The following SERTAD2 variants were observed in gnomAD, a reference collection of about 807,000 sequenced individuals.
SERTAD2 encodes the protein SERTA domain containing 2, also known as SERTA domain-containing protein 2.
In SERTAD2, 2 loss-of-function variants were observed where a neutral mutation model predicts 15.4. That is an observed-to-expected ratio of 0.13 (90% CI 0.05 to 0.41). The LOEUF (loss-of-function observed/expected upper bound fraction) is 0.41, where lower values mean the gene tolerates loss of function less well. Ranked by LOEUF, SERTAD2 falls within the 10% of genes least tolerant of loss-of-function variation. SERTAD2 has a pLI of 0.99. For synonymous variants in SERTAD2, 180 were observed against 178.0 expected, an observed-to-expected ratio of 1.01 and a Z score of -0.09; for missense variants, 333 against 409.7, an observed-to-expected ratio of 0.81 and a Z score of 1.62.
intron 1 of SERTAD2, among the ~76,000 whole-genome samples, chr2:64,652,602 C>T (rs1261667166): frequency 6.6e-6 from 1 of 152,188 alleles, no homozygotes; most frequent in South Asian, 2.1e-4. Context: ...ACCCTAAGCC[C>T]AACTGAGGCT....
chr2:64,649,369 T>G (rs62137280), intron 1 of SERTAD2, among the ~76,000 whole-genome samples: 9 of 152,200 alleles, frequency 5.9e-5, no homozygotes, highest in Admixed American at 5.2e-4. Context: ...TCATTTAGTG[T>G]TTTTGACCAT....
intron 1 of SERTAD2, among the ~76,000 whole-genome samples, chr2:64,643,000 T>C (rs377265353): frequency 3.9e-5 from 6 of 152,342 alleles, no homozygotes; most frequent in African/African-American, 1.4e-4. Context: ...CACAGCTTAG[T>C]TCTAAATTCT....
At chr2:64,640,418 G>A (rs1375786797) in intron 1 of SERTAD2, among the ~76,000 whole-genome samples, 1 of 152,192 alleles carries the variant, frequency 6.6e-6, no homozygotes, top group Non-Finnish European at 1.5e-5. Context: ...GGCCTTTCTG[G>A]GCCTGGCTCA....
At chr2:64,647,246 G>A (rs958016063) in intron 1 of SERTAD2, among the ~76,000 whole-genome samples, 4 of 152,110 alleles carry the variant, frequency 2.6e-5, no homozygotes, top group African/African-American at 9.7e-5. Flanking sequence ...GTTATAATGA[G>A]TCTCCACATT....
chr2:64,635,799 G>A lies in SERTAD2; in HGVS notation c.*128C>T, dbSNP rs937800278. ...CTCTGCTCAAAGCAAAAACTAGTGT[G>A]ATCCTGTTGTAAAATTTTCTTTTTC... On this transcript the variant is annotated 3_prime_UTR_variant, in exon 2 of 2. Coordinates refer to ENST00000313349, the MANE Select transcript of SERTAD2 (RefSeq NM_014755.3). The A allele has an allele frequency of 1.4e-6, 1 of 712,296 alleles. No individual in the cohort carries two copies. Among genetic ancestry groups the A allele is most frequent in the Non-Finnish European group, 2.4e-6 (1 of 422,260 alleles). 44.1% of individuals were successfully genotyped at this position (712,296 alleles called of 1,614,324 possible). A position where few individuals can be genotyped will look rare whatever the true frequency, so the allele number is the denominator to read the frequency against.
At chr2:64,640,644 G>T in intron 1 of SERTAD2, among the ~76,000 whole-genome samples, 1 of 152,050 alleles carries the variant, frequency 6.6e-6, no homozygotes, top group East Asian at 1.9e-4. Flanking sequence ...TGGTTCCTGC[G>T]GAGGGGGGGC....
intron 1 of SERTAD2, among the ~76,000 whole-genome samples, chr2:64,640,762 A>T (rs1200507796): frequency 2.0e-5 from 3 of 152,124 alleles, no homozygotes; most frequent in Non-Finnish European, 4.4e-5. Flanking sequence ...CCAAAGCCTA[A>T]AAAACCCATG....
chr2:64,632,596 AC>A lies in SERTAD2; in HGVS notation c.*3330del, dbSNP rs971742072. ...ACTAAAAAAACTTTAAAAAATATCA[AC>A]CCTTTGATGCTTTTCTTAAAAATTT... On this transcript the variant is annotated 3_prime_UTR_variant, in exon 2 of 2. Transcript: ENST00000313349. The A allele has an allele frequency of 6.6e-6, 1 of 152,550 alleles. No homozygotes were observed. Among genetic ancestry groups the A allele is most frequent in the African/African-American group, 2.4e-5 (1 of 41,412 alleles). The allele number at this position is 152,550 out of a possible 1,614,324, so 9.4% of individuals were successfully genotyped here. A position where few individuals can be genotyped will look rare whatever the true frequency, so the allele number is the denominator to read the frequency against.
At chr2:64,643,401 G>T (rs1265468601) in intron 1 of SERTAD2, among the ~76,000 whole-genome samples, 1 of 152,214 alleles carries the variant, frequency 6.6e-6, no homozygotes, top group Non-Finnish European at 1.5e-5. Flanking sequence ...ATGCTCTGCC[G>T]CTCACCTGGG....
At position 64,636,302 on chromosome 2, in the gene SERTAD2, C is replaced by T. The variant is rs753265798; in HGVS notation, c.570G>A (p.Thr190=). ...TCCCTTTCACACTGTCAGTCGCAGC[C>T]GTGGCCGCCTCTGTGGAGGTAGATG... ...CPTSTSTEAA[T]AATDSVKGTS... The change falls in exon 2 of 2, where the codon ACG becomes ACA. Residue 190 remains threonine, a synonymous_variant. Coordinates refer to ENST00000313349, the MANE Select transcript of SERTAD2 (RefSeq NM_014755.3). The T allele has an allele frequency of 5.7e-5, 92 of 1,614,162 alleles. No homozygotes were observed. Among genetic ancestry groups the T allele is most frequent in the Admixed American group, 5.7e-4 (34 of 60,026 alleles).
intron 1 of SERTAD2, among the ~76,000 whole-genome samples, chr2:64,650,500 C>G (rs1573092747): frequency 6.6e-6 from 1 of 152,194 alleles, no homozygotes. Flanking sequence ...CTGCTCCACA[C>G]AATGAGTGAC....
rs998466740 is a variant in SERTAD2, at chr2:64,636,047, A to G, written c.825T>C (p.Ser275=). 6.2e-7 allele frequency: 1 copy of G among 1,614,186 alleles called. No individual in the cohort carries two copies. The highest frequency in any genetic ancestry group is 8.5e-7 in the Non-Finnish European group (1 of 1,180,026). Residue 275 remains serine (S), a synonymous_variant, in exon 2 of 2, where the codon TCT becomes TCC. Coordinates refer to ENST00000313349, the MANE Select transcript of SERTAD2 (RefSeq NM_014755.3). ...SGTASKMAPV[S]ADDLLKTLAP... ...CCAGAGTTTTGAGGAGGTCGTCGGC[A>G]GACACAGGGGCCATTTTTGAGGCTG...
intron 1 of SERTAD2, among the ~76,000 whole-genome samples, chr2:64,648,095 G>C (rs1397799079): frequency 6.6e-6 from 1 of 152,102 alleles, no homozygotes; most frequent in Non-Finnish European, 1.5e-5. Flanking sequence ...CCTAAACTTG[G>C]ATTCCCTAGA....
At chr2:64,641,566 A>T (rs1674779513) in intron 1 of SERTAD2, among the ~76,000 whole-genome samples, 1 of 152,206 alleles carries the variant, frequency 6.6e-6, no homozygotes, top group Non-Finnish European at 1.5e-5. Flanking sequence ...ATAGATGGTC[A>T]CTGAATACAC....
Position 64,636,549 on chromosome 2 carries a change from C to T in SERTAD2, c.323G>A (p.Ser108Asn), listed in dbSNP as rs778176924. 2 of 1,594,216 alleles carry T rather than the reference C, an allele frequency of 1.3e-6. No individual in the cohort carries two copies. The highest frequency in any genetic ancestry group is 8.6e-7 in the Non-Finnish European group (1 of 1,168,466). ...DSYREAPPAF[S>N]HLASPSSHPC... ...GTGGGAGGACGGGGACGCCAGGTGG[C>T]TGAAGGCCGGCGGGGCCTCTCGGTA... The change falls in exon 2 of 2, where the codon AGC (serine) becomes AAC (asparagine). Residue 108 changes from serine (S) to asparagine (N), a missense_variant. Ser to Asn is a conservative substitution (Grantham distance 46). Transcript: ENST00000313349.
intron 1 of SERTAD2, among the ~76,000 whole-genome samples, chr2:64,642,391 T>A (rs1054188659): frequency 9.9e-5 from 15 of 152,148 alleles, no homozygotes; most frequent in Admixed American, 6.5e-4. Context: ...CATCTCCCAC[T>A]ACTACATTTT....
intron 1 of SERTAD2, among the ~76,000 whole-genome samples, chr2:64,644,305 GA>G (rs1674849252): frequency 6.6e-6 from 1 of 152,338 alleles, no homozygotes; most frequent in East Asian, 1.9e-4. Context: ...GGATTGTTTT[GA>G]GACAACTTCT....
At chr2:64,644,351 T>G (rs549274716) in intron 1 of SERTAD2, among the ~76,000 whole-genome samples, 1 of 152,220 alleles carries the variant, frequency 6.6e-6, no homozygotes, top group Admixed American at 6.5e-5. Flanking sequence ...TTCTCTTCAC[T>G]CCACAGGCTG....
At chr2:64,649,492 G>T (rs1674968483) in intron 1 of SERTAD2, among the ~76,000 whole-genome samples, 1 of 152,226 alleles carries the variant, frequency 6.6e-6, no homozygotes, top group Non-Finnish European at 1.5e-5. Context: ...GATCATGTCT[G>T]TAAGAACCAG....
Sources: gnomAD v4.1 joint callset for allele counts (sites outside exome capture counted in the v4.1 genomes callset) on GRCh38, gnomAD v4.1.1 for gene constraint, MANE v1.5 for transcripts, NCBI Gene and HGNC (gene_info 2026-07-23, HGNC 2026-07-21) for gene names.